SGCD: variants seen among roughly 807,000 people sequenced by gnomAD.
The protein encoded by SGCD is delta-sarcoglycan.
In SGCD, 18 loss-of-function variants were observed where a neutral mutation model predicts 36.6. The ratio of observed to expected loss-of-function variants is 0.49; its 90% CI spans 0.34 to 0.73. SGCD has a LOEUF of 0.73. SGCD is among the 30% of genes least tolerant of loss of function. SGCD has a pLI of 0.01. For missense variants in SGCD, 387 were observed against 346.7 expected, an observed-to-expected ratio of 1.12 and a Z score of -0.92; for synonymous variants, 133 against 130.6, an observed-to-expected ratio of 1.02 and a Z score of -0.12.
intron 3 of SGCD, among the ~76,000 whole-genome samples, chr5:156,242,211 G>T (rs1328564412): frequency 2.6e-5 from 4 of 152,168 alleles, no homozygotes; most frequent in East Asian, 1.9e-4. Flanking sequence ...CAAAATCTTA[G>T]GTGGATATCC....
At chr5:155,770,812 C>T in the SGCD span, among the ~76,000 whole-genome samples, 2 of 152,174 alleles carry the variant, frequency 1.3e-5, no homozygotes, top group African/African-American at 4.8e-5. Flanking sequence ...CAGTTTTTAT[C>T]CCGCAAGCTC....
chr5:156,228,475 A>T (rs1764913246), intron 3 of SGCD, among the ~76,000 whole-genome samples: 1 of 152,100 alleles, frequency 6.6e-6, no homozygotes, highest in African/African-American at 2.4e-5. Context: ...CTTGCTTTTG[A>T]TGTCAATTTG....
At chr5:156,042,278 G>T (rs890206355) in intron 1 of SGCD, among the ~76,000 whole-genome samples, 2 of 151,932 alleles carry the variant, frequency 1.3e-5, no homozygotes, top group Non-Finnish European at 2.9e-5. Flanking sequence ...GTGTCACTTG[G>T]CATTTCATAG....
rs78022340 is a variant in SGCD at position 156,021,366 on chromosome 5, G to A, written c.-281-96512G>A. 3.9e-3 allele frequency among the ~76,000 whole-genome samples: 592 copies of A among 152,240 alleles called. 3 individuals carry two copies. The highest frequency in any genetic ancestry group is 0.013 in the African/African-American group (559 of 41,534). On this transcript the variant is annotated intron_variant, in intron 1 of 9. Coordinates refer to the SGCD transcript ENST00000517913. ...AACACCTTAATTAGCCAAGCATGGT[G>A]ACTATTAGCCAAGCATGGTGGTGTG...
intron 3 of SGCD, among the ~76,000 whole-genome samples, chr5:156,411,783 C>CA (rs1772772540): frequency 6.6e-6 from 1 of 152,148 alleles, no homozygotes; most frequent in African/African-American, 2.4e-5. Context: ...ACACATACAC[C>CA]AAAAACTTTG....
At chr5:156,166,320 AC>A (rs1763211755) in intron 3 of SGCD, among the ~76,000 whole-genome samples, 1 of 151,740 alleles carries the variant, frequency 6.6e-6, no homozygotes. Flanking sequence ...TTACTCCATA[AC>A]TTTTTTTTTT....
At chr5:156,334,609 C>CTTTTCTTTTTTTTTTT (rs1768232749) in intron 2 of SGCD, among the ~76,000 whole-genome samples, 1 of 105,066 alleles carries the variant, frequency 9.5e-6, no homozygotes, top group Non-Finnish European at 1.8e-5. Flanking sequence ...GGTCTATTTT[C>CTTTTCTTTTTTTTTTT]TTTTTTTTTT....
chr5:155,904,462 G>T (rs1580982180), intron 1 of SGCD, among the ~76,000 whole-genome samples: 1 of 152,084 alleles, frequency 6.6e-6, no homozygotes, highest in South Asian at 2.1e-4. Flanking sequence ...TCCTTCTAAT[G>T]GTTAAAGTAA....
upstream of SGCD, among the ~76,000 whole-genome samples, chr5:156,323,190 A>G (rs1767718156): frequency 6.6e-6 from 1 of 152,174 alleles, no homozygotes; most frequent in South Asian, 2.1e-4. Context: ...TCCAAACCTA[A>G]TATGTTCATG....
At chr5:156,625,739 G>A (rs1038748169) in intron 6 of SGCD, among the ~76,000 whole-genome samples, 2 of 152,188 alleles carry the variant, frequency 1.3e-5, no homozygotes, top group African/African-American at 4.8e-5. Flanking sequence ...ACTATGATAA[G>A]CTGGGGATTC....
chr5:156,208,998 G>T (rs1007494853), intron 3 of SGCD, among the ~76,000 whole-genome samples: 2 of 152,146 alleles, frequency 1.3e-5, no homozygotes, highest in Non-Finnish European at 2.9e-5. Flanking sequence ...GTACAGGCTG[G>T]AGAGAGATAC....
chr5:155,779,699 C>T, the SGCD span, among the ~76,000 whole-genome samples: 69 of 152,188 alleles, frequency 4.5e-4, 1 homozygote, highest in East Asian at 0.013. Context: ...GGCCATAGCA[C>T]ATATTTATAT....
At chr5:155,754,497 T>C in the SGCD span, among the ~76,000 whole-genome samples, 8 of 152,132 alleles carry the variant, frequency 5.3e-5, no homozygotes, top group Non-Finnish European at 8.8e-5. Context: ...GCTTCCAATC[T>C]CCAGCATGGA....
chr5:155,996,510 G>T (rs902435240), intron 1 of SGCD, among the ~76,000 whole-genome samples: 1 of 152,158 alleles, frequency 6.6e-6, no homozygotes, highest in Non-Finnish European at 1.5e-5. Flanking sequence ...GGGCGCGGTG[G>T]CTCACGCCTG....
chr5:155,836,937 G>A, the SGCD span, among the ~76,000 whole-genome samples: 1 of 152,044 alleles, frequency 6.6e-6, no homozygotes, highest in African/African-American at 2.4e-5. Flanking sequence ...AGGAGTTTGG[G>A]TGAAAACATA....
intron 3 of SGCD, among the ~76,000 whole-genome samples, chr5:156,501,956 G>A (rs1039207424): frequency 1.3e-5 from 2 of 151,412 alleles, no homozygotes; most frequent in Non-Finnish European, 2.9e-5. Flanking sequence ...AAGAAAATTA[G>A]TTTCACCATT....
the SGCD span, among the ~76,000 whole-genome samples, chr5:155,799,510 G>A: frequency 2.0e-5 from 3 of 150,822 alleles, no homozygotes; most frequent in Admixed American, 2.0e-4. Context: ...CCTCCCACTT[G>A]ATCCTCTTGA....
chr5:156,260,677 T>G (rs1581202231), intron 3 of SGCD, among the ~76,000 whole-genome samples: 2 of 152,284 alleles, frequency 1.3e-5, no homozygotes, highest in East Asian at 3.9e-4. Context: ...GTGTTTTATT[T>G]CTTGTTCTTG....
At chr5:156,247,414 G>T (rs1765465142) in intron 3 of SGCD, among the ~76,000 whole-genome samples, 1 of 152,118 alleles carries the variant, frequency 6.6e-6, no homozygotes, top group Non-Finnish European at 1.5e-5. Flanking sequence ...ATTTATAATA[G>T]TTTTTTTGGT....
Sources: allele counts gnomAD v4.1 joint callset (sites outside exome capture counted in the v4.1 genomes callset), GRCh38; gene constraint gnomAD v4.1.1; transcripts MANE v1.5; gene names NCBI Gene and HGNC (gene_info 2026-07-23, HGNC 2026-07-21).